The following CDC42BPA variants were observed in gnomAD, a reference collection of about 807,000 sequenced individuals.
CDC42BPA encodes the protein CDC42 binding protein kinase alpha.
CDC42BPA carries 80 observed loss-of-function variants against 223.5 expected under a neutral mutation model. That is an observed-to-expected ratio of 0.36 (90% CI 0.30 to 0.43). The LOEUF (loss-of-function observed/expected upper bound fraction) is 0.43, where lower values mean the gene tolerates loss of function less well. Among genes scored for constraint, CDC42BPA ranks in the 20% least tolerant of loss-of-function variants. The pLI is 1.00. For synonymous variants in CDC42BPA, 694 were observed against 718.6 expected (o/e 0.97, Z 0.55); for missense variants, 1,743 against 2,099.9 (o/e 0.83, Z 3.32).
intron 14 of CDC42BPA, among the ~76,000 whole-genome samples, chr1:227,104,099 A>C (rs1474814592): frequency 6.6e-6 from 1 of 152,138 alleles, no homozygotes; most frequent in Non-Finnish European, 1.5e-5. Context: ...CTACTAAATT[A>C]AATTAGCAAA....
intron 24 of CDC42BPA, among the ~76,000 whole-genome samples, chr1:227,036,515 G>GC (rs1413944508): frequency 7.3e-6 from 1 of 137,880 alleles, no homozygotes; most frequent in African/African-American, 2.7e-5. Context: ...TGCAGGCTCC[G>GC]CCCCCCGGGG....
intron 21 of CDC42BPA, among the ~76,000 whole-genome samples, chr1:227,066,362 C>T (rs943079332): frequency 2.7e-5 from 4 of 150,926 alleles, no homozygotes. Context: ...CGCACTCCAG[C>T]CTGGTGACAG....
intron 2 of CDC42BPA, among the ~76,000 whole-genome samples, chr1:227,214,828 A>T (rs189126443): frequency 6.6e-6 from 1 of 152,166 alleles, no homozygotes; most frequent in Non-Finnish European, 1.5e-5. Context: ...TAATAACAGT[A>T]GTGGTAGTAG....
intron 2 of CDC42BPA, among the ~76,000 whole-genome samples, chr1:227,233,870 T>C (rs1678496495): frequency 6.6e-6 from 1 of 151,602 alleles, no homozygotes; most frequent in Non-Finnish European, 1.5e-5. Flanking sequence ...GAGGTGGAAG[T>C]TGCAGTTAGC....
At chr1:227,141,184 G>A (rs1474968667) in intron 9 of CDC42BPA, among the ~76,000 whole-genome samples, 3 of 152,170 alleles carry the variant, frequency 2.0e-5, no homozygotes, top group Non-Finnish European at 4.4e-5. Context: ...ATGAAGTGAT[G>A]GGGGCACACA....
At chr1:227,147,591 A>G in intron 6 of CDC42BPA, 32 bp from the exon 7 acceptor site, 2 of 1,215,550 alleles carry the variant, frequency 1.6e-6, no homozygotes, top group South Asian at 1.5e-5. Context: ...TTAATCTCCT[A>G]TATTAGAAAT....
rs1666206092 is a variant in CDC42BPA at position 227,016,208 on chromosome 1, A to T, written c.4740-11T>A. The T allele has an allele frequency of 1.5e-6, 2 of 1,371,758 alleles. No homozygotes were observed. Among genetic ancestry groups the T allele is most frequent in the Admixed American group, 3.4e-5 (2 of 59,564 alleles). The allele number at this position is 1,371,758 out of a possible 1,614,324, so 85.0% of individuals were successfully genotyped here. On this transcript the variant is annotated splice_polypyrimidine_tract_variant and intron_variant, in intron 33 of 36. Coordinates refer to ENST00000366766, the MANE Select transcript of CDC42BPA (RefSeq NM_001394014.1). ...TCTCGTAGCATTTCCCTGTAAGACA[A>T]GGCATCTGTTTAGATACTTTTTCCA...
intron 6 of CDC42BPA, among the ~76,000 whole-genome samples, chr1:227,154,850 G>A (rs574915070): frequency 2.1e-4 from 32 of 152,122 alleles, no homozygotes; most frequent in African/African-American, 7.7e-4. Context: ...ATGAAGGATT[G>A]TTCACATGTA....
chr1:227,186,984 T>C (rs1431100264), intron 5 of CDC42BPA, among the ~76,000 whole-genome samples: 1 of 152,234 alleles, frequency 6.6e-6, no homozygotes, highest in Non-Finnish European at 1.5e-5. Flanking sequence ...CCTTTTCTTT[T>C]TTCCTTAAAA....
At chr1:227,189,233 T>C (rs1246612652) in intron 5 of CDC42BPA, among the ~76,000 whole-genome samples, 2 of 152,112 alleles carry the variant, frequency 1.3e-5, no homozygotes, top group Non-Finnish European at 2.9e-5. Flanking sequence ...CCTGCATTTC[T>C]TAAATAAAAT....
At chr1:227,127,624 T>C (rs530182262) in intron 11 of CDC42BPA, among the ~76,000 whole-genome samples, 2 of 152,336 alleles carry the variant, frequency 1.3e-5, no homozygotes, top group Admixed American at 1.3e-4. Context: ...CTTAATGTTA[T>C]TGTTGGTACC....
At chr1:227,152,580 A>G (rs1214882582) in intron 6 of CDC42BPA, among the ~76,000 whole-genome samples, 1 of 152,188 alleles carries the variant, frequency 6.6e-6, no homozygotes, top group African/African-American at 2.4e-5. Flanking sequence ...AGAAATTTAA[A>G]AGCTAAACTT....
chr1:227,249,048 A>G (rs1205336658), intron 2 of CDC42BPA, among the ~76,000 whole-genome samples: 1 of 152,244 alleles, frequency 6.6e-6, no homozygotes, highest in Admixed American at 6.5e-5. Context: ...CTACAGAGCT[A>G]CAGTAACCAA....
chr1:227,035,433 T>G (rs1366563896), intron 25 of CDC42BPA, 38 bp downstream of exon 25: 12 of 1,505,904 alleles, frequency 8.0e-6, no homozygotes, highest in Non-Finnish European at 1.1e-5. Flanking sequence ...TTAATAAATC[T>G]TAAAGGATTA....
Position 226,993,430 on chromosome 1 carries a change from G to C in CDC42BPA, c.*838C>G, listed in dbSNP as rs932649794. On this transcript the variant is annotated 3_prime_UTR_variant, in exon 37 of 37. Coordinates refer to ENST00000366766, the MANE Select transcript of CDC42BPA (RefSeq NM_001394014.1). Reference sequence around the variant, plus strand: ...AAGTGGCTTCAAATGTTAAAGCTCTGGTGCCCAGGGCATGCCCCAAACCAG... The same window carrying C: ...AAGTGGCTTCAAATGTTAAAGCTCTCGTGCCCAGGGCATGCCCCAAACCAG... 1 of 152,264 alleles carries C rather than the reference G, an allele frequency of 6.6e-6. No homozygotes were observed. Among genetic ancestry groups the C allele is most frequent in the Admixed American group, 6.5e-5 (1 of 15,274 alleles). 9.4% of individuals were successfully genotyped at this position (152,264 alleles called of 1,614,324 possible).
chr1:227,236,756 C>T (rs755742998), intron 2 of CDC42BPA, among the ~76,000 whole-genome samples: 16 of 152,138 alleles, frequency 1.1e-4, no homozygotes, highest in East Asian at 3.9e-4. Flanking sequence ...ACCATGATCC[C>T]GACTTTTGTG....
rs1169374705 is a variant in CDC42BPA at position 226,994,765 on chromosome 1, C to T, written c.5133+58G>A. 4.0e-6 allele frequency: 6 copies of T among 1,515,026 alleles called. No individual in the cohort carries two copies. Among genetic ancestry groups the T allele is most frequent in the Non-Finnish European group, 5.3e-6 (6 of 1,121,640 alleles). The allele number at this position is 1,515,026 out of a possible 1,614,324, so 93.8% of individuals were successfully genotyped here. A position where few individuals can be genotyped will look rare whatever the true frequency, so the allele number is the denominator to read the frequency against. ...GCCAATCCCAAGGTGGTGGGATTGC[C>T]TGGGAAGATGCCCTAGTCTTTCTGA... On this transcript the variant is annotated intron_variant, in intron 36 of 36. Transcript: ENST00000366766. This position sits in a 1 kb window ranked among gnomAD's most constrained non-coding sequence, Gnocchi z 4.0.
chr1:227,262,659 G>A (rs1471577247), intron 1 of CDC42BPA, among the ~76,000 whole-genome samples: 5 of 151,968 alleles, frequency 3.3e-5, no homozygotes, highest in South Asian at 4.2e-4. Flanking sequence ...TTAAAAAATC[G>A]GCCTTTTAAG....
In CDC42BPA at chr1:227,313,538, C is replaced by G. The variant is rs115991408; in HGVS notation, c.178+3467G>C. Reference sequence around the variant, plus strand: ...TATTAGGTGGCTAGTATAAAGGAAACAAGTACCCAACCAATATTGCTGATT... The same window carrying G: ...TATTAGGTGGCTAGTATAAAGGAAAGAAGTACCCAACCAATATTGCTGATT... On this transcript the variant is annotated intron_variant, in intron 1 of 36. Coordinates refer to ENST00000366766, the MANE Select transcript of CDC42BPA (RefSeq NM_001394014.1). Among the ~76,000 whole-genome samples, 594 of 152,122 alleles carry G rather than the reference C, an allele frequency of 3.9e-3. 4 individuals are homozygous for G. Among genetic ancestry groups the G allele is most frequent in the African/African-American group, 0.014 (576 of 41,510 alleles).
Sources: gnomAD v4.1 joint callset for allele counts (sites outside exome capture counted in the v4.1 genomes callset) on GRCh38, gnomAD v4.1.1 for gene constraint, Gnocchi (gnomAD v3.1) non-coding constraint, MANE v1.5 for transcripts, NCBI Gene and HGNC (gene_info 2026-07-23, HGNC 2026-07-21) for gene names.